Variants in PANX1 observed in about 807,000 individuals in gnomAD.
PANX1 encodes the protein pannexin 1, also known as pannexin-1.
PANX1 carries 30 observed loss-of-function variants against 38.7 expected under a neutral mutation model. The observed-to-expected ratio is 0.78, with a 90% CI of 0.58 to 1.05. The LOEUF (loss-of-function observed/expected upper bound fraction) is 1.05. Among genes scored for constraint, PANX1 ranks in the 50% least tolerant of loss-of-function variants. PANX1 has a pLI of 0.00. For missense variants in PANX1, 551 were observed against 517.2 expected (o/e 1.07, Z -0.63); for synonymous variants, 230 against 212.2 (o/e 1.08, Z -0.73).
At chr11:94,166,357 T>C (rs1001083278) in intron 2 of PANX1, among the ~76,000 whole-genome samples, 1 of 152,232 alleles carries the variant, frequency 6.6e-6, no homozygotes, top group African/African-American at 2.4e-5. Context: ...GTTGATGAAA[T>C]ACCTCAGCTT....
chr11:94,135,200 C>T (rs1489855109), intron 1 of PANX1, among the ~76,000 whole-genome samples: 2 of 152,186 alleles, frequency 1.3e-5, no homozygotes, highest in African/African-American at 4.8e-5. Context: ...GACCCTGCCT[C>T]CCTCACCCAC....
At chr11:94,146,245 CA>C (rs1271125801) in intron 1 of PANX1, among the ~76,000 whole-genome samples, 2 of 152,180 alleles carry the variant, frequency 1.3e-5, no homozygotes, top group African/African-American at 4.8e-5. Context: ...TATTGAATAA[CA>C]AAGGATTACG....
At chr11:94,144,662 G>A (rs369346693) in intron 1 of PANX1, among the ~76,000 whole-genome samples, 71 of 152,228 alleles carry the variant, frequency 4.7e-4, no homozygotes, top group African/African-American at 1.5e-3. Flanking sequence ...TTGTGTTACG[G>A]GCTGGCCTGG....
At chr11:94,159,347 C>A (rs918841984) in intron 2 of PANX1, among the ~76,000 whole-genome samples, 1 of 152,090 alleles carries the variant, frequency 6.6e-6, no homozygotes, top group Non-Finnish European at 1.5e-5. Flanking sequence ...CTCCTTGTAC[C>A]TCTGGTAGAA....
At chr11:94,129,977 C>A (rs183844950) in intron 1 of PANX1, among the ~76,000 whole-genome samples, 2 of 152,294 alleles carry the variant, frequency 1.3e-5, no homozygotes, top group Admixed American at 1.3e-4. Flanking sequence ...TCTTAGCTCT[C>A]TAGGGTTGTG....
At chr11:94,175,898 CT>C in intron 2 of PANX1, 9 of 984,722 alleles carry the variant, frequency 9.1e-6, no homozygotes, top group Non-Finnish European at 1.1e-5. Flanking sequence ...GGTAAGAGGG[CT>C]TTGCAAAGTT....
chr11:94,139,522 T>C (rs1391774690), intron 1 of PANX1, among the ~76,000 whole-genome samples: 1 of 152,214 alleles, frequency 6.6e-6, no homozygotes, highest in Non-Finnish European at 1.5e-5. Flanking sequence ...TTCCCAGCAC[T>C]CTGCTGATGA....
chr11:94,147,637 C>T (rs188752376), intron 1 of PANX1, among the ~76,000 whole-genome samples: 270 of 152,264 alleles, frequency 1.8e-3, no homozygotes, highest in African/African-American at 6.2e-3. Flanking sequence ...TTGTTCATAC[C>T]GTCATTCCCA....
intron 1 of PANX1, among the ~76,000 whole-genome samples, chr11:94,138,920 C>T (rs1002991544): frequency 6.6e-6 from 1 of 152,164 alleles, no homozygotes; most frequent in African/African-American, 2.4e-5. Flanking sequence ...ATCCTTAGGT[C>T]TATCAGTTTT....
At chr11:94,159,461 T>C (rs1451055147) in intron 2 of PANX1, among the ~76,000 whole-genome samples, 1 of 152,206 alleles carries the variant, frequency 6.6e-6, no homozygotes, top group Non-Finnish European at 1.5e-5. Context: ...AGATTCAACT[T>C]CTTCCTGGTT....
Position 94,179,783 on chromosome 11 carries a change from G to A in PANX1, c.727G>A (p.Glu243Lys), listed in dbSNP as rs142497626. ...CTTCAGCCTCTCCTCACTCTCAGAC[G>A]AGTTTGTGTGCAGCATCAAATCAGG... ...YYFSLSSLSDEFVCSIKSGIL... is the reference protein window; with the variant it reads ...YYFSLSSLSDKFVCSIKSGIL... Residue 243 changes from glutamate (E) to lysine (K), a missense_variant, in exon 4 of 5, where the codon GAG (glutamate) becomes AAG (lysine). Transcript: ENST00000227638. The A allele has an allele frequency of 1.9e-5, 31 of 1,614,088 alleles. No homozygotes were observed. In the African/African-American group the frequency reaches 2.1e-4, roughly 11 times the overall value.
chr11:94,145,584 C>G (rs1194427872), intron 1 of PANX1, among the ~76,000 whole-genome samples: 2 of 152,192 alleles, frequency 1.3e-5, no homozygotes, highest in East Asian at 1.9e-4. Context: ...AGAAGAGATT[C>G]CTTGCAGACA....
intron 1 of PANX1, among the ~76,000 whole-genome samples, chr11:94,137,963 G>T (rs559774867): frequency 6.9e-6 from 1 of 145,276 alleles, no homozygotes; most frequent in Admixed American, 7.0e-5. Context: ...TGTTGTGCAC[G>T]TGTCAAAATT....
chr11:94,144,000 C>T (rs954860297), intron 1 of PANX1, among the ~76,000 whole-genome samples: 3 of 152,112 alleles, frequency 2.0e-5, no homozygotes, highest in South Asian at 2.1e-4. Context: ...CCTCCCAAAG[C>T]GCTGGGATTA....
At chr11:94,178,294 G>T in intron 2 of PANX1, 75 bp from the exon 3 acceptor site, 1 of 1,101,092 alleles carries the variant, frequency 9.1e-7, no homozygotes, top group South Asian at 1.3e-5. Context: ...GTGAGAAAAT[G>T]AGAGCATCAC....
At chr11:94,160,684 G>T (rs919355128) in intron 2 of PANX1, among the ~76,000 whole-genome samples, 30 of 152,086 alleles carry the variant, frequency 2.0e-4, no homozygotes, top group African/African-American at 6.8e-4. Flanking sequence ...TATCCAATTT[G>T]CCAGTCTGTG....
chr11:94,180,925 G>T lies in PANX1; in HGVS notation c.*56G>T. The T allele has an allele frequency of 1.0e-6, 1 of 999,284 alleles. No individual in the cohort carries two copies. Among genetic ancestry groups the T allele is most frequent in the South Asian group, 1.3e-5 (1 of 78,560 alleles). 61.9% of individuals were successfully genotyped at this position (999,284 alleles called of 1,614,324 possible). On this transcript the variant is annotated 3_prime_UTR_variant, in exon 5 of 5. Transcript: ENST00000227638. ...ACTTCTGCGACATGGGATTTAATTT[G>T]GCTAAAGCACCCCTGTTGGTTTCAC... is the stretch of plus-strand genomic sequence containing the variant.
intron 1 of PANX1, among the ~76,000 whole-genome samples, chr11:94,132,286 C>G (rs1189893457): frequency 6.6e-6 from 1 of 152,156 alleles, no homozygotes; most frequent in Non-Finnish European, 1.5e-5. Flanking sequence ...ACGCATAACC[C>G]TCCTAATGCA....
chr11:94,180,792 A>G lies in PANX1; in HGVS notation c.1204A>G (p.Met402Val), dbSNP rs182654100. 8 of 1,479,068 alleles carry G rather than the reference A, an allele frequency of 5.4e-6. No homozygotes were observed. The Admixed American group carries it at 1.0e-4, about 19-fold the overall frequency. 91.6% of individuals were successfully genotyped at this position (1,479,068 alleles called of 1,614,324 possible). Residue 402 changes from methionine to valine, a missense_variant and splice_region_variant, in exon 5 of 5, where the codon ATG becomes GTG. Met to Val is a conservative substitution (Grantham distance 21, BLOSUM62 1). Transcript: ENST00000227638. ...QGNQTAELQG[M>V]NIDSETKANN... ...ATATTTGTTTTCAATTTTGACAGGTATGAACATAGACAGTGAAACTAAAGC... is the reference window on the plus strand; with the variant it reads ...ATATTTGTTTTCAATTTTGACAGGTGTGAACATAGACAGTGAAACTAAAGC...
Sources: allele counts gnomAD v4.1 joint callset (sites outside exome capture counted in the v4.1 genomes callset), GRCh38; gene constraint gnomAD v4.1.1; transcripts MANE v1.5; gene names NCBI Gene and HGNC (gene_info 2026-07-23, HGNC 2026-07-21).